Variants in CSMD3 observed in about 807,000 individuals in gnomAD.
CSMD3 encodes CUB and sushi domain-containing protein 3.
CSMD3 carries 177 observed loss-of-function variants against 435.2 expected under a neutral mutation model. That is an observed-to-expected ratio of 0.41 (90% CI 0.36 to 0.46). The LOEUF is 0.46. CSMD3 is among the 20% of genes least tolerant of loss of function. The probability of loss-of-function intolerance (pLI) is 0.34; values close to 1 mark genes in which losing one functional copy is unlikely to be tolerated. For missense variants in CSMD3, 4,265 were observed against 4,504.6 expected (o/e 0.95, Z 1.52); for synonymous variants, 1,656 against 1,520.5 (o/e 1.09, Z -2.07).
chr8:112,525,205 A>C (rs1180626538), intron 27 of CSMD3, among the ~76,000 whole-genome samples: 2 of 151,712 alleles, frequency 1.3e-5, no homozygotes, highest in East Asian at 3.9e-4. Flanking sequence ...ACTGAATTTT[A>C]ACTTCTTTTC....
chr8:113,234,656 A>C (rs1051359531), intron 3 of CSMD3, among the ~76,000 whole-genome samples: 1 of 152,124 alleles, frequency 6.6e-6, no homozygotes, highest in Non-Finnish European at 1.5e-5. Context: ...TTTCAGGATG[A>C]TGTTTCTTTT....
chr8:113,292,307 T>C (rs2093691873), intron 2 of CSMD3, among the ~76,000 whole-genome samples: 1 of 151,708 alleles, frequency 6.6e-6, no homozygotes, highest in Non-Finnish European at 1.5e-5. Flanking sequence ...TAAACAGTCA[T>C]GTTCGTAAGT....
chr8:112,237,779 A>G (rs1813725945), intron 66 of CSMD3, among the ~76,000 whole-genome samples: 2 of 152,112 alleles, frequency 1.3e-5, no homozygotes, highest in South Asian at 4.1e-4. Flanking sequence ...GGAATAGCAA[A>G]GAGAAAGGTC....
chr8:112,436,635 TA>T (rs140368846), intron 32 of CSMD3, among the ~76,000 whole-genome samples: 28,193 of 151,698 alleles, frequency 0.19, 3,221 homozygotes, highest in Middle Eastern at 0.36. Context: ...TGTATACATA[TA>T]AAAAAATATA....
intron 13 of CSMD3, among the ~76,000 whole-genome samples, chr8:112,707,490 G>T (rs1047789317): frequency 2.6e-5 from 4 of 151,428 alleles, no homozygotes; most frequent in African/African-American, 7.3e-5. Flanking sequence ...CGGCGGGAGG[G>T]GGGTGGTTCC....
At chr8:112,316,727 A>G (rs1367795209) in intron 47 of CSMD3, among the ~76,000 whole-genome samples, 1 of 151,912 alleles carries the variant, frequency 6.6e-6, no homozygotes, top group Non-Finnish European at 1.5e-5. Context: ...AAAGTGCTCA[A>G]AATCTCCTAG....
intron 1 of CSMD3, among the ~76,000 whole-genome samples, chr8:113,409,817 CA>C (rs1376720411): frequency 6.6e-6 from 1 of 150,866 alleles, no homozygotes; most frequent in East Asian, 2.0e-4. Flanking sequence ...CTGGCTACAA[CA>C]AAAAGAATGC....
intron 6 of CSMD3, among the ~76,000 whole-genome samples, chr8:113,013,161 T>A (rs1050469000): frequency 6.6e-6 from 1 of 152,066 alleles, no homozygotes; most frequent in Non-Finnish European, 1.5e-5. Context: ...GAAAAAAAAA[T>A]TGTTTCTCAG....
intron 27 of CSMD3, among the ~76,000 whole-genome samples, chr8:112,533,406 T>G (rs1825731811): frequency 6.6e-6 from 1 of 151,848 alleles, no homozygotes; most frequent in Admixed American, 6.6e-5. Context: ...ATGCATATAC[T>G]GAATGTGAAG....
chr8:112,670,078 G>T (rs906079578), intron 16 of CSMD3, among the ~76,000 whole-genome samples: 1 of 152,034 alleles, frequency 6.6e-6, no homozygotes, highest in African/African-American at 2.4e-5. Flanking sequence ...AGTACAAGGG[G>T]CCCAGAAAAG....
At chr8:112,857,533 C>G (rs150158520) in intron 11 of CSMD3, among the ~76,000 whole-genome samples, 5 of 151,734 alleles carry the variant, frequency 3.3e-5, no homozygotes, top group Admixed American at 2.6e-4. Flanking sequence ...TGTGTTTATT[C>G]CATACTTTAT....
At chr8:113,066,118 C>T (rs1588001628) in intron 5 of CSMD3, among the ~76,000 whole-genome samples, 1 of 126,470 alleles carries the variant, frequency 7.9e-6, no homozygotes, top group African/African-American at 3.0e-5. Flanking sequence ...AGGTCAAAGA[C>T]CCAAGAAAAA....
At chr8:112,437,134 T>C (rs556042418) in intron 32 of CSMD3, among the ~76,000 whole-genome samples, 117 of 152,140 alleles carry the variant, frequency 7.7e-4, no homozygotes, top group Non-Finnish European at 1.3e-3. Context: ...TGAAGAGATA[T>C]ATCAACATTC....
intron 10 of CSMD3, among the ~76,000 whole-genome samples, chr8:112,894,018 T>A (rs1015778152): frequency 6.6e-6 from 1 of 151,400 alleles, no homozygotes; most frequent in Non-Finnish European, 1.5e-5. Flanking sequence ...GTAAAATACA[T>A]TGGATTTAAA....
intron 10 of CSMD3, among the ~76,000 whole-genome samples, chr8:112,884,314 A>G (rs2130246115): frequency 6.6e-6 from 1 of 151,888 alleles, no homozygotes; most frequent in African/African-American, 2.4e-5. Context: ...TGAGTGATAA[A>G]AAATAGTGAA....
intron 1 of CSMD3, among the ~76,000 whole-genome samples, chr8:113,377,560 A>T (rs1003823424): frequency 2.0e-5 from 3 of 152,162 alleles, no homozygotes; most frequent in African/African-American, 7.2e-5. Flanking sequence ...CTATATTTTT[A>T]ATCCAAAGAA....
At chr8:113,380,086 C>G (rs370420775) in intron 1 of CSMD3, among the ~76,000 whole-genome samples, 1 of 152,078 alleles carries the variant, frequency 6.6e-6, no homozygotes, top group Admixed American at 6.6e-5. Flanking sequence ...ATTCATGATC[C>G]GTACTGTGTC....
intron 13 of CSMD3, among the ~76,000 whole-genome samples, chr8:112,788,272 T>C (rs1017059361): frequency 2.6e-5 from 4 of 152,138 alleles, no homozygotes; most frequent in African/African-American, 4.8e-5. Flanking sequence ...TTTGTCATCA[T>C]AGCTATATAC....
At chr8:113,031,303 C>T (rs970784454) in intron 5 of CSMD3, among the ~76,000 whole-genome samples, 1 of 151,622 alleles carries the variant, frequency 6.6e-6, no homozygotes, top group Non-Finnish European at 1.5e-5. Flanking sequence ...TCATGGAATA[C>T]TACTCAGCAT....
Sources: gnomAD v4.1 joint callset for allele counts (sites outside exome capture counted in the v4.1 genomes callset) on GRCh38, gnomAD v4.1.1 for gene constraint, MANE v1.5 for transcripts, NCBI Gene and HGNC (gene_info 2026-07-23, HGNC 2026-07-21) for gene names.